Variants in CHERP observed in about 807,000 individuals in gnomAD.
CHERP encodes the protein ERPROT 213-21.
CHERP carries 8 observed loss-of-function variants against 113.8 expected under a neutral mutation model. That is an observed-to-expected ratio of 0.07 (90% CI 0.04 to 0.13). CHERP has a LOEUF of 0.13. Ranked by LOEUF, CHERP falls within the 10% of genes least tolerant of loss-of-function variation. The probability of loss-of-function intolerance (pLI) is 1.00; values close to 1 mark genes in which losing one functional copy is unlikely to be tolerated. For missense variants in CHERP, 884 were observed against 1,298.2 expected (o/e 0.68, Z 4.90); for synonymous variants, 559 against 524.5 (o/e 1.07, Z -0.90).
chr19:16,535,399 C>T lies in CHERP; in HGVS notation c.384+53G>A, dbSNP rs2085734219. 8.3e-6 allele frequency: 13 copies of T among 1,568,016 alleles called. No individual in the cohort carries two copies. The highest frequency in any genetic ancestry group is 1.1e-5 in the Non-Finnish European group (13 of 1,156,530). On this transcript the variant is annotated intron_variant, in intron 3 of 16. Coordinates refer to ENST00000546361, the MANE Select transcript of CHERP (RefSeq NM_006387.6). The surrounding 1 kb of genome is among the most constrained non-coding windows in gnomAD (Gnocchi z 4.3). ...TCATTCTGATGAGCAGACGCAAAAA[C>T]AGAGGCACAGGGGAGCTGCTGGTGT... is the stretch of plus-strand genomic sequence containing the variant.
In CHERP at chr19:16,525,689, G is replaced by A. The variant is rs1001310237; in HGVS notation, c.1306-12C>T. 2.0e-6 allele frequency: 3 copies of A among 1,500,456 alleles called. No homozygotes were observed. In the African/African-American group the frequency reaches 4.2e-5, roughly 21 times the overall value. 92.9% of individuals were successfully genotyped at this position (1,500,456 alleles called of 1,614,324 possible). On this transcript the variant is annotated splice_polypyrimidine_tract_variant and intron_variant, in intron 9 of 16. Transcript: ENST00000546361. This position sits in a 1 kb window ranked among gnomAD's most constrained non-coding sequence, Gnocchi z 6.5. ...GGCTGCTCTGGCGGCTGCAAGGGAA[G>A]GGACAGGCTTGAGCCCTGCGTGGTC...
At chr19:16,521,351 G>T in intron 12 of CHERP, 170 bp downstream of exon 12, 1 of 610,296 alleles carries the variant, frequency 1.6e-6, no homozygotes, top group Non-Finnish European at 2.8e-6. Flanking sequence ...CCTTCATTGA[G>T]GGCCACGTGT....
In CHERP at chr19:16,530,692, G is replaced by C; in HGVS notation, c.787-18C>G. On this transcript the variant is annotated intron_variant, in intron 6 of 16. Transcript: ENST00000546361. The surrounding 1 kb of genome is among the most constrained non-coding windows in gnomAD (Gnocchi z 4.1). The stretch of plus-strand genomic sequence containing the variant: ...TGCAGGAGCTGGCGGTGGGAGGAGA[G>C]AGAGGCCGGGTCAGTGGGGAGGGGA... The C allele has an allele frequency of 6.2e-7, 1 of 1,614,000 alleles. No homozygotes were observed. Among genetic ancestry groups the C allele is most frequent in the Non-Finnish European group, 8.5e-7 (1 of 1,179,898 alleles).
At position 16,539,249 on chromosome 19, in the gene CHERP, G is replaced by A. The variant is rs1314603372; in HGVS notation, c.199+2621C>T. ...TGCAAGCTCTGCCTCCCAGGTTCAC[G>A]CCATTCTCCTGCCTCAGCCTCCCAA... On this transcript the variant is annotated intron_variant, in intron 2 of 16. Coordinates refer to ENST00000546361, the MANE Select transcript of CHERP (RefSeq NM_006387.6). 1.3e-4 allele frequency among the ~76,000 whole-genome samples: 19 copies of A among 148,838 alleles called. 1 individual carries two copies. Among genetic ancestry groups the A allele is most frequent in the African/African-American group, 4.5e-4 (18 of 40,194 alleles).
rs1406662405 is a variant in CHERP, at chr19:16,525,076, C to G, written c.1741+166G>C. Among the ~76,000 whole-genome samples the G allele has an allele frequency of 2.0e-5, 3 of 152,180 alleles. No individual in the cohort carries two copies. The highest frequency in any genetic ancestry group is 4.4e-5 in the Non-Finnish European group (3 of 68,032). Reference sequence around the variant, plus strand: ...AGGGCGGCAAAACTGAGTCTGTGCCCCCACTTCCTGAGAACCCAGGCCGGG... The same window carrying G: ...AGGGCGGCAAAACTGAGTCTGTGCCGCCACTTCCTGAGAACCCAGGCCGGG... On this transcript the variant is annotated intron_variant, in intron 10 of 16. Transcript: ENST00000546361. The surrounding 1 kb of genome is among the most constrained non-coding windows in gnomAD (Gnocchi z 6.5).
At chr19:16,528,006 A>C (rs2085668080) in intron 9 of CHERP, 74 bp downstream of exon 9, 1 of 1,450,408 alleles carries the variant, frequency 6.9e-7, no homozygotes, top group African/African-American at 1.4e-5. Flanking sequence ...AACGCCCACC[A>C]ACTGGCATAG....
At position 16,517,999 on chromosome 19, in the gene CHERP, C is replaced by T. The variant is rs1270622387; in HGVS notation, c.*1160G>A. 1.3e-5 allele frequency: 2 copies of T among 152,262 alleles called. No individual in the cohort carries two copies. The highest frequency in any genetic ancestry group is 1.3e-4 in the Admixed American group (2 of 15,282). The allele number at this position is 152,262 out of a possible 1,614,324, so 9.4% of individuals were successfully genotyped here. A position where few individuals can be genotyped will look rare whatever the true frequency, so the allele number is the denominator to read the frequency against. On this transcript the variant is annotated 3_prime_UTR_variant, in exon 17 of 17. Transcript: ENST00000546361. ...CTGAATCATACATTTTAACAATTCACAGCTACAGGAAATCTAGAACAAAAT... is the reference window on the plus strand; with the variant it reads ...CTGAATCATACATTTTAACAATTCATAGCTACAGGAAATCTAGAACAAAAT...
In CHERP at chr19:16,519,668, G is replaced by A; in HGVS notation, c.2510C>T (p.Ser837Leu). The A allele has an allele frequency of 6.2e-7, 1 of 1,613,990 alleles. No homozygotes were observed. Among genetic ancestry groups the A allele is most frequent in the South Asian group, 1.1e-5 (1 of 91,062 alleles). The part of the protein sequence containing the change: ...GSNSAPPIPD[S>L]RLGEENKGHQ... ...GCCTTTGTTCTCTTCTCCGAGCCTT[G>A]AGTCAGGGATGGGAGGCGCCGAATT... Residue 837 changes from serine (S) to leucine (L), a missense_variant, in exon 16 of 17, where the codon TCA becomes TTA. Physicochemically the swap from Ser to Leu is moderately radical, Grantham distance 145. Transcript: ENST00000546361. This position sits in a 1 kb window ranked among gnomAD's most constrained non-coding sequence, Gnocchi z 6.0.
rs1452847584 is a variant in CHERP, at chr19:16,523,418, C to T, written c.1742-128G>A. ...CTCCTGGGAGCCTGTCCAGCATCTT[C>T]TCTCACTGCTTAAGACCAGGCAGCA... On this transcript the variant is annotated intron_variant, in intron 10 of 16. Coordinates refer to ENST00000546361, the MANE Select transcript of CHERP (RefSeq NM_006387.6). The surrounding 1 kb of genome is among the most constrained non-coding windows in gnomAD (Gnocchi z 4.0). 1 of 1,075,248 alleles carries T rather than the reference C, an allele frequency of 9.3e-7. No individual in the cohort carries two copies. The highest frequency in any genetic ancestry group is 1.3e-6 in the Non-Finnish European group (1 of 740,984). The allele number at this position is 1,075,248 out of a possible 1,614,324, so 66.6% of individuals were successfully genotyped here. A position where few individuals can be genotyped will look rare whatever the true frequency, so the allele number is the denominator to read the frequency against.
Position 16,539,241 on chromosome 19 carries a change from A to G in CHERP, c.199+2629T>C, listed in dbSNP as rs555236742. Among the ~76,000 whole-genome samples the G allele has an allele frequency of 6.3e-3, 881 of 139,944 alleles. 11 individuals carry two copies. The highest frequency in any genetic ancestry group is 0.023 in the African/African-American group (834 of 36,558). 91.8% of individuals were successfully genotyped at this position (139,944 alleles called of 152,430 possible). A position where few individuals can be genotyped will look rare whatever the true frequency, so the allele number is the denominator to read the frequency against. The stretch of plus-strand genomic sequence containing the variant: ...CGGCTCACTGCAAGCTCTGCCTCCC[A>G]GGTTCACGCCATTCTCCTGCCTCAG... On this transcript the variant is annotated intron_variant, in intron 2 of 16. Coordinates refer to ENST00000546361, the MANE Select transcript of CHERP (RefSeq NM_006387.6).
Position 16,532,895 on chromosome 19 carries a change from A to G in CHERP, c.522+116T>C. 2.6e-6 allele frequency: 4 copies of G among 1,512,010 alleles called. No homozygotes were observed. Among genetic ancestry groups the G allele is most frequent in the Non-Finnish European group, 2.7e-6 (3 of 1,122,574 alleles). 93.7% of individuals were successfully genotyped at this position (1,512,010 alleles called of 1,614,324 possible). A position where few individuals can be genotyped will look rare whatever the true frequency, so the allele number is the denominator to read the frequency against. ...AGGGTCCCACAGCCTCAGGAGCTCC[A>G]GGCGGGAGGGAAGGGCACCCATTGT... On this transcript the variant is annotated intron_variant, in intron 4 of 16. Coordinates refer to ENST00000546361, the MANE Select transcript of CHERP (RefSeq NM_006387.6). This position sits in a 1 kb window ranked among gnomAD's most constrained non-coding sequence, Gnocchi z 4.4.
rs964617727 is a variant in CHERP at position 16,532,041 on chromosome 19, G to A, written c.674+557C>T. 1 of 151,832 alleles carries A rather than the reference G, an allele frequency of 6.6e-6. No individual in the cohort carries two copies. Among genetic ancestry groups the A allele is most frequent in the African/African-American group, 2.4e-5 (1 of 41,108 alleles). The allele number at this position is 151,832 out of a possible 1,614,324, so 9.4% of individuals were successfully genotyped here. Reference sequence around the variant, plus strand: ...TAGAAGGAAATACCCACCCAACCTTGGGGAGGGTGGAGACAGCAACAGTGG... The same window carrying A: ...TAGAAGGAAATACCCACCCAACCTTAGGGAGGGTGGAGACAGCAACAGTGG... On this transcript the variant is annotated intron_variant, in intron 5 of 16. Coordinates refer to ENST00000546361, the MANE Select transcript of CHERP (RefSeq NM_006387.6). The surrounding 1 kb of genome is among the most constrained non-coding windows in gnomAD (Gnocchi z 4.4).
chr19:16,528,369 G>A (rs1053117464), intron 8 of CHERP, 114 bp from the exon 9 acceptor site: 174 of 1,018,954 alleles, frequency 1.7e-4, no homozygotes, highest in Non-Finnish European at 2.4e-4. Flanking sequence ...GTGGATGATC[G>A]CTTCAGGACC....
chr19:16,540,775 G>A (rs570933440), intron 2 of CHERP, among the ~76,000 whole-genome samples: 5 of 148,952 alleles, frequency 3.4e-5, no homozygotes, highest in African/African-American at 9.9e-5. Context: ...TTGGCTTACC[G>A]CAACCTCCAC....
At position 16,518,005 on chromosome 19, in the gene CHERP, C is replaced by T. The variant is rs1048007564; in HGVS notation, c.*1154G>A. ...CATACATTTTAACAATTCACAGCTA[C>T]AGGAAATCTAGAACAAAATCAAATA... On this transcript the variant is annotated 3_prime_UTR_variant, in exon 17 of 17. Transcript: ENST00000546361. The T allele has an allele frequency of 6.6e-6, 1 of 152,254 alleles. No individual in the cohort carries two copies. The highest frequency in any genetic ancestry group is 1.9e-4 in the East Asian group (1 of 5,202). The allele number at this position is 152,254 out of a possible 1,614,324, so 9.4% of individuals were successfully genotyped here. A position where few individuals can be genotyped will look rare whatever the true frequency, so the allele number is the denominator to read the frequency against.
At chr19:16,537,769 T>C (rs2085751430) in intron 2 of CHERP, among the ~76,000 whole-genome samples, 1 of 152,294 alleles carries the variant, frequency 6.6e-6, no homozygotes, top group African/African-American at 2.4e-5. Context: ...CTACCTCTTT[T>C]TGACATGGCA....
rs1280232431 is a variant in CHERP at position 16,523,349 on chromosome 19, G to C, written c.1742-59C>G. ...CCAGTCAGGATCTCCCAGGCGACAA[G>C]TGCTGGAGGGGAGGGGCTCAGTGAA... On this transcript the variant is annotated intron_variant, in intron 10 of 16. Coordinates refer to ENST00000546361, the MANE Select transcript of CHERP (RefSeq NM_006387.6). This position sits in a 1 kb window ranked among gnomAD's most constrained non-coding sequence, Gnocchi z 4.0. 6.3e-7 allele frequency: 1 copy of C among 1,589,444 alleles called. No individual in the cohort carries two copies. The highest frequency in any genetic ancestry group is 1.4e-5 in the African/African-American group (1 of 73,100).
rs770526563 is a variant in CHERP at position 16,530,572 on chromosome 19, C to A, written c.876+13G>T. 1 of 1,612,750 alleles carries A rather than the reference C, an allele frequency of 6.2e-7. No homozygotes were observed. Among genetic ancestry groups the A allele is most frequent in the African/African-American group, 1.3e-5 (1 of 75,040 alleles). On this transcript the variant is annotated intron_variant, in intron 7 of 16. Coordinates refer to ENST00000546361, the MANE Select transcript of CHERP (RefSeq NM_006387.6). The surrounding 1 kb of genome is among the most constrained non-coding windows in gnomAD (Gnocchi z 4.1). ...AGCTCTAGGGTGAGGTGTGGGTGGG[C>A]AGGGACACTCACCTGGTACTGACCA...
At chr19:16,527,323 CA>C (rs2085663340) in intron 9 of CHERP, among the ~76,000 whole-genome samples, 1 of 152,214 alleles carries the variant, frequency 6.6e-6, no homozygotes, top group Non-Finnish European at 1.5e-5. Context: ...TGGGGGTGTC[CA>C]ATCTTTTGTG....
Sources: allele counts gnomAD v4.1 joint callset (sites outside exome capture counted in the v4.1 genomes callset), GRCh38; gene constraint gnomAD v4.1.1; non-coding constraint Gnocchi (gnomAD v3.1); transcripts MANE v1.5; gene names NCBI Gene and HGNC (gene_info 2026-07-23, HGNC 2026-07-21).